ABCA3: variants seen among roughly 807,000 people sequenced by gnomAD.
ABCA3 encodes the protein phospholipid-transporting ATPase ABCA3.
ABCA3 carries 88 observed loss-of-function variants against 172.8 expected under a neutral mutation model. That is an observed-to-expected ratio of 0.51 (90% CI 0.43 to 0.61). The LOEUF (loss-of-function observed/expected upper bound fraction) is 0.61. ABCA3 is among the 20% of genes least tolerant of loss of function. ABCA3 has a pLI of 0.00. For synonymous variants in ABCA3, 1,066 were observed against 983.8 expected, an observed-to-expected ratio of 1.08 and a Z score of -1.56; for missense variants, 2,164 against 2,301.0, an observed-to-expected ratio of 0.94 and a Z score of 1.22.
At chr16:2,303,604 T>C (rs1202360335) in intron 12 of ABCA3, among the ~76,000 whole-genome samples, 20 of 152,082 alleles carry the variant, frequency 1.3e-4, no homozygotes. Flanking sequence ...CTAGATTTTG[T>C]AGGTAGAAAA....
At chr16:2,299,360 G>T in intron 14 of ABCA3, 43 bp downstream of exon 14, 4 of 1,611,020 alleles carry the variant, frequency 2.5e-6, no homozygotes, top group South Asian at 2.2e-5. Flanking sequence ...GGTGTTAAAG[G>T]GGGGCCTGCT....
intron 8 of ABCA3, among the ~76,000 whole-genome samples, chr16:2,318,669 C>T (rs371043315): frequency 2.7e-4 from 41 of 152,022 alleles, no homozygotes; most frequent in East Asian, 1.2e-3. Flanking sequence ...CATGCTACCA[C>T]GCCTGGCTAA....
intron 1 of ABCA3, among the ~76,000 whole-genome samples, chr16:2,335,459 C>T (rs1009079647): frequency 2.0e-5 from 3 of 151,026 alleles, no homozygotes; most frequent in South Asian, 2.1e-4. Context: ...TTTGTAGAGA[C>T]GAGTCTCACT....
At chr16:2,289,749 G>GT in intron 19 of ABCA3, 129 bp from the exon 20 acceptor site, 12 of 954,614 alleles carry the variant, frequency 1.3e-5, no homozygotes, top group Non-Finnish European at 1.9e-5. Context: ...ATCTGCTTAT[G>GT]TGTTTCCTCA....
In ABCA3 at chr16:2,285,756, C is replaced by A. The variant is rs532482844; in HGVS notation, c.3279-110G>T. ...GGCATGCAGGGCAGCAGCCCAACCA[C>A]TAAAGGGGCTTATGGGAGAGCACAA... is the stretch of plus-strand genomic sequence containing the variant. On this transcript the variant is annotated intron_variant, in intron 22 of 32. Coordinates refer to ENST00000301732, the MANE Select transcript of ABCA3 (RefSeq NM_001089.3). The surrounding 1 kb of genome is among the most constrained non-coding windows in gnomAD (Gnocchi z 4.7). 72 of 1,027,406 alleles carry A rather than the reference C, an allele frequency of 7.0e-5. No individual in the cohort carries two copies. In the African/African-American group the frequency reaches 1.0e-3, roughly 15 times the overall value. The allele number at this position is 1,027,406 out of a possible 1,614,324, so 63.6% of individuals were successfully genotyped here.
chr16:2,310,489 A>T (rs937830776), intron 10 of ABCA3, among the ~76,000 whole-genome samples: 1 of 151,904 alleles, frequency 6.6e-6, no homozygotes, highest in South Asian at 2.1e-4. Flanking sequence ...TGAGAAGAGC[A>T]GCAGTGGTTT....
In ABCA3 at chr16:2,307,421, G is replaced by A. The variant is rs193095461; in HGVS notation, c.1285+1029C>T. ...TACAAAAAAATTAGATGGGCATGGT[G>A]GTGCATGCCTGTGATCCCAGGTACT... On this transcript the variant is annotated intron_variant, in intron 11 of 32. Transcript: ENST00000301732. Among the ~76,000 whole-genome samples the A allele has an allele frequency of 1.6e-3, 236 of 152,132 alleles. 2 individuals carry two copies. The highest frequency in any genetic ancestry group is 3.8e-4 in the Non-Finnish European group (26 of 68,022).
At chr16:2,315,140 C>T (rs2093713015) in intron 10 of ABCA3, among the ~76,000 whole-genome samples, 1 of 151,624 alleles carries the variant, frequency 6.6e-6, no homozygotes, top group African/African-American at 2.4e-5. Context: ...GCCTCGGCCT[C>T]CCAAATTGCT....
At position 2,279,256 on chromosome 16, in the gene ABCA3, T is replaced by C. The variant is rs892074246; in HGVS notation, c.4360-126A>G. The C allele has an allele frequency of 8.7e-7, 1 of 1,150,822 alleles. No individual in the cohort carries two copies. The highest frequency in any genetic ancestry group is 1.5e-5 in the African/African-American group (1 of 65,770). The allele number at this position is 1,150,822 out of a possible 1,614,324, so 71.3% of individuals were successfully genotyped here. On this transcript the variant is annotated intron_variant, in intron 28 of 32. Transcript: ENST00000301732. This position sits in a 1 kb window ranked among gnomAD's most constrained non-coding sequence, Gnocchi z 4.4. ...TGTCTGTGGTTCCTGCCAGTGTGTG[T>C]ACACGGGGGCGCTGGAGCTATGCAC...
chr16:2,325,391 C>T (rs1047273799), intron 5 of ABCA3, among the ~76,000 whole-genome samples: 1 of 152,160 alleles, frequency 6.6e-6, no homozygotes, highest in Non-Finnish European at 1.5e-5. Context: ...CAGCTCTGCA[C>T]AGGTGGGCGG....
rs756117264 is a variant in ABCA3, at chr16:2,291,792, G to A, written c.2513+348C>T. Among the ~76,000 whole-genome samples, 66 of 152,178 alleles carry A rather than the reference G, an allele frequency of 4.3e-4. 1 individual carries two copies. Among genetic ancestry groups the A allele is most frequent in the Non-Finnish European group, 7.6e-4 (52 of 68,042 alleles). The stretch of plus-strand genomic sequence containing the variant: ...ATCACTGCACTTTTTAGAAGTCCTC[G>A]GCTGAGCACGGTGCCTCACGCCTGT... On this transcript the variant is annotated intron_variant, in intron 19 of 32. Transcript: ENST00000301732.
chr16:2,288,719 ATT>A (rs2093667117), intron 20 of ABCA3, among the ~76,000 whole-genome samples: 1 of 151,982 alleles, frequency 6.6e-6, no homozygotes, highest in East Asian at 1.9e-4. Flanking sequence ...TAATTTTTGT[ATT>A]TTTAGTAGAG....
chr16:2,316,986 T>G (rs557963913), intron 10 of ABCA3, among the ~76,000 whole-genome samples: 2 of 152,214 alleles, frequency 1.3e-5, no homozygotes, highest in Non-Finnish European at 2.9e-5. Flanking sequence ...TCAACGTAAC[T>G]GTCACCGCAA....
At position 2,317,684 on chromosome 16, in the gene ABCA3, G is replaced by A. The variant is rs35161127; in HGVS notation, c.954C>T (p.Ile318=). Residue 318 remains isoleucine, a synonymous_variant, in exon 9 of 33, where the codon ATC becomes ATT. Transcript: ENST00000301732. ...AGAGCAGGGTCATGAAGGAGGCGGC[G>A]ATGAGGAGGAAGAGGAAGAACAAGA... The part of the protein sequence containing the change: ...WFLLFFLFLL[I]AASFMTLLFC... 476 of 1,614,252 alleles carry A rather than the reference G, an allele frequency of 2.9e-4. No individual in the cohort carries two copies. In the African/African-American group the frequency reaches 5.6e-3, roughly 19 times the overall value.
intron 12 of ABCA3, among the ~76,000 whole-genome samples, chr16:2,301,065 C>T (rs1474510152): frequency 6.6e-6 from 1 of 150,752 alleles, no homozygotes; most frequent in Admixed American, 6.6e-5. Flanking sequence ...CCCGTCTCTA[C>T]TAAAAATACA....
intron 10 of ABCA3, among the ~76,000 whole-genome samples, chr16:2,311,268 A>G (rs911155880): frequency 3.9e-5 from 6 of 152,126 alleles, no homozygotes; most frequent in Non-Finnish European, 5.9e-5. Context: ...CACCGCGCCC[A>G]GCCCTATTTA....
At chr16:2,308,368 T>C (rs2093701067) in intron 11 of ABCA3, 82 bp downstream of exon 11, 4 of 1,565,904 alleles carry the variant, frequency 2.6e-6, no homozygotes, top group South Asian at 1.1e-5. Context: ...AGGTGGAGCC[T>C]TGCTGCTGGC....
At position 2,298,368 on chromosome 16, in the gene ABCA3, C is replaced by T; in HGVS notation, c.1896+18G>A. On this transcript the variant is annotated intron_variant, in intron 15 of 32. Coordinates refer to ENST00000301732, the MANE Select transcript of ABCA3 (RefSeq NM_001089.3). ...CATCAGTGGAAACACCCCTGCACAC[C>T]CCTGGCCCCCAACTCACCTGGGCGT... 1 of 1,614,016 alleles carries T rather than the reference C, an allele frequency of 6.2e-7. No individual in the cohort carries two copies. Among genetic ancestry groups the T allele is most frequent in the Non-Finnish European group, 8.5e-7 (1 of 1,180,010 alleles).
At position 2,288,343 on chromosome 16, in the gene ABCA3, G is replaced by C; in HGVS notation, c.2701-14C>G. ...GTGCAGGGCGAGCTGCGGCAGAGGG[G>C]ACGCAGGTGACACCGGCACCGCTTG... On this transcript the variant is annotated splice_polypyrimidine_tract_variant and intron_variant, in intron 20 of 32. Coordinates refer to ENST00000301732, the MANE Select transcript of ABCA3 (RefSeq NM_001089.3). 6.5e-7 allele frequency: 1 copy of C among 1,542,158 alleles called. No individual in the cohort carries two copies. Among genetic ancestry groups the C allele is most frequent in the South Asian group, 1.2e-5 (1 of 84,572 alleles).
Sources: allele counts gnomAD v4.1 joint callset (sites outside exome capture counted in the v4.1 genomes callset), GRCh38; gene constraint gnomAD v4.1.1; non-coding constraint Gnocchi (gnomAD v3.1); transcripts MANE v1.5; gene names NCBI Gene and HGNC (gene_info 2026-07-23, HGNC 2026-07-21).